The following ADAMTSL1 variants were observed in gnomAD, a reference collection of about 807,000 sequenced individuals.
ADAMTSL1 encodes ADAMTS-like protein 1.
ADAMTSL1 carries 126 observed loss-of-function variants against 201.8 expected under a neutral mutation model. That is an observed-to-expected ratio of 0.62 (90% CI 0.54 to 0.72). The LOEUF (loss-of-function observed/expected upper bound fraction) is 0.72, where lower values mean the gene tolerates loss of function less well. ADAMTSL1 is among the 30% of genes least tolerant of loss of function. The pLI is 0.00. For synonymous variants in ADAMTSL1, 1,121 were observed against 903.4 expected, an observed-to-expected ratio of 1.24 and a Z score of -4.32; for missense variants, 2,679 against 2,277.8, an observed-to-expected ratio of 1.18 and a Z score of -3.59.
intron 1 of ADAMTSL1, among the ~76,000 whole-genome samples, chr9:18,058,054 A>T (rs1822276269): frequency 6.6e-6 from 1 of 152,222 alleles, no homozygotes; most frequent in South Asian, 2.1e-4. Flanking sequence ...AGCACCTAGT[A>T]CATAGGAGTA....
chr9:18,694,886 G>A (rs1449100444), intron 13 of ADAMTSL1, among the ~76,000 whole-genome samples: 1 of 152,222 alleles, frequency 6.6e-6, no homozygotes, highest in Non-Finnish European at 1.5e-5. Context: ...ACAGACTTCT[G>A]CCTTGATTTC....
intron 4 of ADAMTSL1, among the ~76,000 whole-genome samples, chr9:18,620,420 A>C (rs1351767747): frequency 6.6e-6 from 1 of 152,198 alleles, no homozygotes; most frequent in Non-Finnish European, 1.5e-5. Context: ...GGCCCATAGC[A>C]GGTCCTCAAT....
chr9:17,960,419 T>C (rs1049054274), intron 1 of ADAMTSL1, among the ~76,000 whole-genome samples: 6 of 152,194 alleles, frequency 3.9e-5, no homozygotes, highest in Non-Finnish European at 7.3e-5. Context: ...AGAGAAAGAA[T>C]ACAAGGAATA....
At chr9:18,615,519 T>C (rs1423575267) in intron 4 of ADAMTSL1, among the ~76,000 whole-genome samples, 1 of 152,234 alleles carries the variant, frequency 6.6e-6, no homozygotes, top group Non-Finnish European at 1.5e-5. Flanking sequence ...ATAAATATTG[T>C]ATAGTATGCC....
chr9:18,141,266 G>C (rs1253925614), intron 1 of ADAMTSL1, among the ~76,000 whole-genome samples: 2 of 152,144 alleles, frequency 1.3e-5, no homozygotes, highest in African/African-American at 4.8e-5. Context: ...AGCAGTTGAA[G>C]GAGGTTTGGG....
At chr9:18,385,590 A>G (rs532175373) in intron 2 of ADAMTSL1, among the ~76,000 whole-genome samples, 1 of 152,234 alleles carries the variant, frequency 6.6e-6, no homozygotes, top group Non-Finnish European at 1.5e-5. Context: ...TCCTTTTGCA[A>G]TACCTTTTCC....
chr9:18,724,099 T>G (rs1465999875), intron 15 of ADAMTSL1, among the ~76,000 whole-genome samples: 1 of 152,204 alleles, frequency 6.6e-6, no homozygotes, highest in Non-Finnish European at 1.5e-5. Flanking sequence ...TGTGCTGCTA[T>G]GCATGTGTTT....
At chr9:18,408,303 T>C (rs1016704835) in intron 2 of ADAMTSL1, among the ~76,000 whole-genome samples, 1 of 152,234 alleles carries the variant, frequency 6.6e-6, no homozygotes, top group South Asian at 2.1e-4. Context: ...ACACTGTCTC[T>C]ACTAAAAATA....
intron 17 of ADAMTSL1, among the ~76,000 whole-genome samples, chr9:18,772,611 A>T (rs761800881): frequency 6.6e-6 from 1 of 152,228 alleles, no homozygotes; most frequent in Non-Finnish European, 1.5e-5. Flanking sequence ...TATAATGGAA[A>T]TATAATAGTA....
Position 18,504,913 on chromosome 9 carries a change from G to T in ADAMTSL1, c.148G>T (p.Gly50Trp), listed in dbSNP as rs542908248. 2.2e-5 allele frequency: 36 copies of T among 1,612,502 alleles called. No homozygotes were observed. Among genetic ancestry groups the T allele is most frequent in the South Asian group, 5.5e-5 (5 of 91,030 alleles). Reference protein sequence around the residue: ...GPWSECSRTCGGGASYSLRRC... With the variant: ...GPWSECSRTCWGGASYSLRRC... ...ATGGAGTGAATGCTCACGCACCTGC[G>T]GGGGTGGGGCCTCCTACTCTCTGAG... Residue 50 changes from glycine to tryptophan, a missense_variant, in exon 2 of 29, where the codon GGG (glycine) becomes TGG (tryptophan). Transcript: ENST00000380548.
At chr9:18,098,099 T>C (rs912847685) in intron 1 of ADAMTSL1, among the ~76,000 whole-genome samples, 2 of 152,080 alleles carry the variant, frequency 1.3e-5, no homozygotes, top group African/African-American at 2.4e-5. Flanking sequence ...CAATCTCCCA[T>C]TGAATTACAT....
chr9:17,985,994 C>T (rs567653373), intron 1 of ADAMTSL1, among the ~76,000 whole-genome samples: 2 of 152,098 alleles, frequency 1.3e-5, no homozygotes, highest in Non-Finnish European at 2.9e-5. Flanking sequence ...CAAGAAACAA[C>T]AAATGGTTTT....
chr9:18,681,591 A>G (rs1352735576), intron 11 of ADAMTSL1: 3 of 348,866 alleles, frequency 8.6e-6, no homozygotes, highest in African/African-American at 6.3e-5. Context: ...AAAGCTATGG[A>G]ATTGAAAGTG....
At chr9:18,068,291 A>G (rs1442451094) in intron 1 of ADAMTSL1, among the ~76,000 whole-genome samples, 1 of 152,178 alleles carries the variant, frequency 6.6e-6, no homozygotes, top group Non-Finnish European at 1.5e-5. Context: ...AATAAAGTCA[A>G]AAAGAAAAAC....
intron 1 of ADAMTSL1, among the ~76,000 whole-genome samples, chr9:18,097,481 A>G (rs763051637): frequency 3.3e-5 from 5 of 152,210 alleles, no homozygotes; most frequent in Non-Finnish European, 7.3e-5. Context: ...TAATTTTATA[A>G]GAAACTTCCA....
At chr9:18,709,769 T>C (rs517764) in intron 14 of ADAMTSL1, among the ~76,000 whole-genome samples, 40,404 of 152,110 alleles carry the variant, frequency 0.27, 5,816 homozygotes, top group Middle Eastern at 0.34. Context: ...ACTCTGAGCC[T>C]GATCAGCTTT....
chr9:18,315,335 G>A (rs1308832164), intron 2 of ADAMTSL1, among the ~76,000 whole-genome samples: 1 of 151,870 alleles, frequency 6.6e-6, no homozygotes, highest in Non-Finnish European at 1.5e-5. Context: ...CCCGCGCCAG[G>A]GTCGCAGGCG....
intron 23 of ADAMTSL1, among the ~76,000 whole-genome samples, chr9:18,834,856 T>G (rs1450848478): frequency 6.6e-6 from 1 of 152,232 alleles, no homozygotes; most frequent in Non-Finnish European, 1.5e-5. Context: ...TACAGTTTGT[T>G]TAATCAGTCA....
chr9:18,721,490 A>C (rs2133424461), intron 14 of ADAMTSL1, 46 bp from the exon 15 acceptor site: 1 of 1,604,668 alleles, frequency 6.2e-7, no homozygotes, highest in South Asian at 1.1e-5. Context: ...CCCCCCACAC[A>C]CACACCCACT....
Sources: gnomAD v4.1 joint callset for allele counts (sites outside exome capture counted in the v4.1 genomes callset) on GRCh38, gnomAD v4.1.1 for gene constraint, MANE v1.5 for transcripts, NCBI Gene and HGNC (gene_info 2026-07-23, HGNC 2026-07-21) for gene names.